ADAMDEC1: variants seen among roughly 807,000 people sequenced by gnomAD.
ADAMDEC1 encodes the protein ADAM like decysin 1.
Under a neutral mutation model 60.4 loss-of-function variants are expected in ADAMDEC1, and 62 were observed. The ratio of observed to expected loss-of-function variants is 1.03; its 90% CI spans 0.84 to 1.27. The LOEUF is 1.27. Among genes scored for constraint, ADAMDEC1 ranks in the 50% most tolerant of loss-of-function variants. ADAMDEC1 has a pLI of 0.00. For synonymous variants in ADAMDEC1, 210 were observed against 195.1 expected (o/e 1.08, Z -0.64); for missense variants, 595 against 565.0 (o/e 1.05, Z -0.54).
intron 8 of ADAMDEC1, 81 bp from the exon 9 acceptor site, chr8:24,398,793 C>G: frequency 7.2e-7 from 1 of 1,389,590 alleles, no homozygotes; most frequent in Non-Finnish European, 1.0e-6. Flanking sequence ...ATCACTTTAT[C>G]TATTACTTGT....
At chr8:24,393,699 C>A (rs554106053) in intron 3 of ADAMDEC1, among the ~76,000 whole-genome samples, 1 of 152,190 alleles carries the variant, frequency 6.6e-6, no homozygotes, top group South Asian at 2.1e-4. Context: ...GGGGTTCCTC[C>A]TAGTTCTATA....
At chr8:24,395,675 C>A (rs189927997) in intron 4 of ADAMDEC1, 45 bp from the exon 5 acceptor site, 3 of 1,316,868 alleles carry the variant, frequency 2.3e-6, no homozygotes, top group African/African-American at 2.9e-5. Flanking sequence ...CACATACACA[C>A]ACACACACAC....
intron 12 of ADAMDEC1, 32 bp downstream of exon 12, chr8:24,402,124 A>G: frequency 6.6e-7 from 1 of 1,511,368 alleles, no homozygotes; most frequent in Non-Finnish European, 8.9e-7. Context: ...GGGGCAGAAG[A>G]ATTATGCAGT....
At chr8:24,385,458 T>C (rs986610645) in intron 1 of ADAMDEC1, among the ~76,000 whole-genome samples, 3 of 152,096 alleles carry the variant, frequency 2.0e-5, no homozygotes, top group Non-Finnish European at 4.4e-5. Flanking sequence ...CCAATAATTA[T>C]GCGATATATA....
chr8:24,399,366 CA>C (rs1563356733), intron 9 of ADAMDEC1, 26 bp from the exon 10 acceptor site: 1 of 1,594,160 alleles, frequency 6.3e-7, no homozygotes, highest in East Asian at 2.2e-5. Flanking sequence ...CAGATTGTGA[CA>C]GTAGTATCTG....
intron 1 of ADAMDEC1, among the ~76,000 whole-genome samples, chr8:24,386,135 C>T (rs1286566359): frequency 6.6e-6 from 1 of 152,140 alleles, no homozygotes. Context: ...AGTAGCCCTA[C>T]ATTTTTAAAC....
chr8:24,397,297 A>T lies in ADAMDEC1; in HGVS notation c.468A>T (p.Arg156Ser). Reference sequence around the variant, plus strand: ...GATACTTCACACATCATCACCAAAGATACCAGATAAAACCTCTGAAAAGCA... The same window carrying T: ...GATACTTCACACATCATCACCAAAGTTACCAGATAAAACCTCTGAAAAGCA... ...LRGYFTHHHQ[R>S]YQIKPLKSTD... The change falls in exon 6 of 14, where the codon AGA becomes AGT. Residue 156 changes from arginine to serine, a missense_variant. Coordinates refer to ENST00000256412, the MANE Select transcript of ADAMDEC1 (RefSeq NM_014479.3). 2 of 1,613,758 alleles carry T rather than the reference A, an allele frequency of 1.2e-6. No homozygotes were observed. The highest frequency in any genetic ancestry group is 1.7e-6 in the Non-Finnish European group (2 of 1,179,890).
Position 24,405,483 on chromosome 8 carries a change from G to T in ADAMDEC1, c.*185G>T. 4 of 525,682 alleles carry T rather than the reference G, an allele frequency of 7.6e-6. No homozygotes were observed. Among genetic ancestry groups the T allele is most frequent in the South Asian group, 4.6e-5 (1 of 21,972 alleles). The allele number at this position is 525,682 out of a possible 1,614,324, so 32.6% of individuals were successfully genotyped here. On this transcript the variant is annotated 3_prime_UTR_variant, in exon 14 of 14. Coordinates refer to ENST00000256412, the MANE Select transcript of ADAMDEC1 (RefSeq NM_014479.3). ...ATTAGAGACATTGGCTCTTTGTTTA[G>T]GCCTAATCTTTCTTTTTACTTTTTT...
intron 11 of ADAMDEC1, among the ~76,000 whole-genome samples, chr8:24,401,147 G>C (rs1323502994): frequency 1.3e-5 from 2 of 152,054 alleles, no homozygotes; most frequent in African/African-American, 4.8e-5. Context: ...CTTTTCCCAA[G>C]GGTTGTGTAT....
chr8:24,398,789 TTATC>T (rs1344029743), intron 8 of ADAMDEC1, 81 bp from the exon 9 acceptor site: 132 of 1,375,202 alleles, frequency 9.6e-5, no homozygotes, highest in Non-Finnish European at 1.3e-4. Context: ...GTCCATCACT[TTATC>T]TATTACTTGT....
chr8:24,389,549 G>A (rs1013837915), intron 1 of ADAMDEC1, among the ~76,000 whole-genome samples: 1 of 152,048 alleles, frequency 6.6e-6, no homozygotes, highest in African/African-American at 2.4e-5. Flanking sequence ...ATCAGACAGG[G>A]CAATCTTATT....
chr8:24,396,963 T>C (rs2129360536), intron 5 of ADAMDEC1, among the ~76,000 whole-genome samples: 1 of 152,344 alleles, frequency 6.6e-6, no homozygotes, highest in South Asian at 2.1e-4. Flanking sequence ...GGATCTGCCA[T>C]GAAATATTTG....
intron 5 of ADAMDEC1, among the ~76,000 whole-genome samples, chr8:24,396,507 G>A (rs528815859): frequency 1.9e-4 from 29 of 151,996 alleles, no homozygotes; most frequent in South Asian, 2.1e-4. Flanking sequence ...GCGAGACTCC[G>A]TCTCAAAACA....
At chr8:24,389,974 C>T (rs569360913) in intron 1 of ADAMDEC1, among the ~76,000 whole-genome samples, 1 of 152,252 alleles carries the variant, frequency 6.6e-6, no homozygotes, top group Non-Finnish European at 1.5e-5. Flanking sequence ...ATTTCATCAC[C>T]ATAGTACTTA....
In ADAMDEC1 at chr8:24,402,087, C is replaced by T. The variant is rs76707982; in HGVS notation, c.1315C>T (p.Pro439Ser). 4,262 of 1,602,072 alleles carry T rather than the reference C, an allele frequency of 2.7e-3. 110 individuals are homozygous for T. In the African/African-American group the frequency reaches 0.051, roughly 19 times the overall value. The part of the protein sequence containing the change: ...EVGEDCDCGS[P>S]KECTNLCCEA... ...GGGAGAAGACTGTGATTGTGGCTCT[C>T]CTAAGGTATTATTTATTAGAATTAT... Residue 439 changes from proline to serine, a missense_variant, in exon 12 of 14, where the codon CCT becomes TCT. By Grantham distance (74) the Pro-to-Ser change is moderately conservative. Transcript: ENST00000256412.
chr8:24,397,069 C>A (rs1488612358), intron 5 of ADAMDEC1, among the ~76,000 whole-genome samples: 2 of 152,194 alleles, frequency 1.3e-5, no homozygotes, highest in African/African-American at 4.8e-5. Context: ...GTTCAGAATT[C>A]TCTTGGTAAA....
In ADAMDEC1 at chr8:24,393,335, C is replaced by T; in HGVS notation, c.281C>T (p.Thr94Ile). ...GEEIILSLQKTKHLLGPDYTE... is the reference protein window; with the variant it reads ...GEEIILSLQKIKHLLGPDYTE... ...GAAATCATTCTCTCCCTACAAAAAA[C>T]CAAGTAAGTTGTACCTCCTAAAAGT... The change falls in exon 3 of 14, where the codon ACC becomes ATC. Residue 94 changes from threonine (T) to isoleucine (I), a missense_variant. Transcript: ENST00000256412. 2 of 1,591,868 alleles carry T rather than the reference C, an allele frequency of 1.3e-6. No homozygotes were observed. The highest frequency in any genetic ancestry group is 2.3e-5 in the South Asian group (2 of 88,768).
At chr8:24,396,443 C>T (rs941470969) in intron 5 of ADAMDEC1, among the ~76,000 whole-genome samples, 8 of 152,124 alleles carry the variant, frequency 5.3e-5, no homozygotes, top group Admixed American at 5.2e-4. Context: ...ACCCAGGAGG[C>T]GGAGCTTGCA....
Position 24,392,250 on chromosome 8 carries a change from C to A in ADAMDEC1, c.89-12C>A. 3 of 1,562,528 alleles carry A rather than the reference C, an allele frequency of 1.9e-6. No homozygotes were observed. Among genetic ancestry groups the A allele is most frequent in the Non-Finnish European group, 2.6e-6 (3 of 1,146,828 alleles). Reference sequence around the variant, plus strand: ...TAAATCTTTTATGTGAATATTATTTCTCTTTCTCTAGCAATAGCCATAAAG... The same window carrying A: ...TAAATCTTTTATGTGAATATTATTTATCTTTCTCTAGCAATAGCCATAAAG... On this transcript the variant is annotated splice_polypyrimidine_tract_variant and intron_variant, in intron 1 of 13. Coordinates refer to ENST00000256412, the MANE Select transcript of ADAMDEC1 (RefSeq NM_014479.3).
Sources: gnomAD v4.1 joint callset for allele counts (sites outside exome capture counted in the v4.1 genomes callset) on GRCh38, gnomAD v4.1.1 for gene constraint, MANE v1.5 for transcripts, NCBI Gene and HGNC (gene_info 2026-07-23, HGNC 2026-07-21) for gene names.